CD200: variants seen among roughly 807,000 people sequenced by gnomAD.
CD200 encodes the protein OX-2 membrane glycoprotein.
In CD200, 15 loss-of-function variants were observed where a neutral mutation model predicts 30.9. The ratio of observed to expected loss-of-function variants is 0.49; its 90% CI spans 0.32 to 0.75. CD200 has a LOEUF of 0.75. CD200 is among the 30% of genes least tolerant of loss of function. CD200 has a pLI of 0.03. For missense variants in CD200, 262 were observed against 324.2 expected (o/e 0.81, Z 1.47); for synonymous variants, 134 against 126.2 (o/e 1.06, Z -0.41).
intron 2 of CD200, 48 bp from the exon 3 acceptor site, chr3:112,344,914 A>G (rs1201834028): frequency 1.5e-6 from 2 of 1,309,864 alleles, no homozygotes; most frequent in Admixed American, 4.3e-5. Flanking sequence ...GAAAAAGTGT[A>G]TGTGTGTTAC....
chr3:112,352,884 G>A lies in CD200; in HGVS notation c.802+3065G>A, dbSNP rs139446781. ...CCTGTATAATGCCAGAGAGCATGACGTTGGTTTTTTCCAACTGCGAAGTAG... is the reference window on the plus strand; with the variant it reads ...CCTGTATAATGCCAGAGAGCATGACATTGGTTTTTTCCAACTGCGAAGTAG... On this transcript the variant is annotated intron_variant, in intron 5 of 5. Coordinates refer to ENST00000315711, the MANE Select transcript of CD200 (RefSeq NM_005944.7). Among the ~76,000 whole-genome samples the A allele has an allele frequency of 1.2e-3, 177 of 152,240 alleles. 5 individuals carry two copies. In the East Asian group the frequency reaches 0.028, roughly 24 times the overall value.
intron 5 of CD200, among the ~76,000 whole-genome samples, chr3:112,350,240 C>A (rs1168619473): frequency 6.6e-6 from 1 of 152,142 alleles, no homozygotes; most frequent in Non-Finnish European, 1.5e-5. Flanking sequence ...TGTTATACTC[C>A]CACGATGCCT....
chr3:112,338,539 G>A (rs2081169498), intron 1 of CD200, among the ~76,000 whole-genome samples: 1 of 152,164 alleles, frequency 6.6e-6, no homozygotes, highest in African/African-American at 2.4e-5. Context: ...ACATGAGATT[G>A]GATAGCATGT....
chr3:112,348,070 A>G (rs2081442396), intron 4 of CD200, among the ~76,000 whole-genome samples: 1 of 152,190 alleles, frequency 6.6e-6, no homozygotes, highest in Non-Finnish European at 1.5e-5. Flanking sequence ...CCATTCATTT[A>G]TTTATTTCTT....
chr3:112,347,805 C>G lies in CD200; in HGVS notation c.669C>G (p.Thr223=). The G allele has an allele frequency of 1.2e-6, 2 of 1,613,332 alleles. No individual in the cohort carries two copies. The highest frequency in any genetic ancestry group is 1.7e-6 in the Non-Finnish European group (2 of 1,179,700). The change falls in exon 4 of 6, where the codon ACC becomes ACG. Residue 223 remains threonine (T), a synonymous_variant. Coordinates refer to ENST00000315711, the MANE Select transcript of CD200 (RefSeq NM_005944.7). ...AGGTGCTGCACCTGGGGACTGTGAC[C>G]GACTTTAAGCAAACCGTCAACAAAG... The part of the protein sequence containing the change: ...ICQVLHLGTV[T]DFKQTVNKGY...
At chr3:112,357,239 G>A (rs13084367) in intron 5 of CD200, among the ~76,000 whole-genome samples, 1 of 144,212 alleles carries the variant, frequency 6.9e-6, no homozygotes, top group African/African-American at 2.6e-5. Flanking sequence ...CCAGCCTGGG[G>A]GACAGAGCGA....
Position 112,362,682 on chromosome 3 carries a change from T to A in CD200, c.*1132T>A, listed in dbSNP as rs2081761792. ...CTATCCAGTGGCCTAGGAATTAAAG[T>A]GTAAGTTGTTTTCGCTGTTAAATTG... On this transcript the variant is annotated 3_prime_UTR_variant, in exon 6 of 6. Transcript: ENST00000315711. The A allele has an allele frequency of 6.7e-6, 1 of 150,138 alleles. No individual in the cohort carries two copies. Among genetic ancestry groups the A allele is most frequent in the African/African-American group, 2.5e-5 (1 of 40,562 alleles). 9.3% of individuals were successfully genotyped at this position (150,138 alleles called of 1,614,324 possible).
intron 1 of CD200, 57 bp downstream of exon 1, chr3:112,333,281 G>A: frequency 6.6e-7 from 1 of 1,524,214 alleles, no homozygotes; most frequent in Non-Finnish European, 8.8e-7. Flanking sequence ...TTGAGCCGGT[G>A]GCCCTGGGGC....
chr3:112,333,324 C>G, intron 1 of CD200, 100 bp downstream of exon 1: 2 of 1,491,520 alleles, frequency 1.3e-6, no homozygotes, highest in Middle Eastern at 1.7e-4. Flanking sequence ...AGCTTCGGCT[C>G]TTGCCACAAT....
intron 1 of CD200, chr3:112,333,940 A>G: frequency 6.1e-6 from 6 of 985,152 alleles, no homozygotes; most frequent in Non-Finnish European, 7.2e-6. Flanking sequence ...TCCCATTGGT[A>G]TATGAAATCC....
Position 112,333,236 on chromosome 3 carries a change from C to G in CD200, c.12+12C>G. Reference sequence around the variant, plus strand: ...GGATGGAGAGGCTGGTGAGCGGGGCCGGGGCTTGGGAAGGAGGGCGCAGGG... The same window carrying G: ...GGATGGAGAGGCTGGTGAGCGGGGCGGGGGCTTGGGAAGGAGGGCGCAGGG... On this transcript the variant is annotated intron_variant, in intron 1 of 5. Transcript: ENST00000315711. The G allele has an allele frequency of 1.9e-6, 3 of 1,549,474 alleles. No individual in the cohort carries two copies. Among genetic ancestry groups the G allele is most frequent in the Non-Finnish European group, 2.6e-6 (3 of 1,146,338 alleles).
chr3:112,350,095 C>A, intron 5 of CD200: 2 of 439,258 alleles, frequency 4.6e-6, no homozygotes, highest in Non-Finnish European at 6.0e-6. Flanking sequence ...AGAAGTCTGG[C>A]ACCCACACAA....
At chr3:112,342,884 G>A (rs12106673) in intron 2 of CD200, among the ~76,000 whole-genome samples, 63,204 of 152,022 alleles carry the variant, frequency 0.42, 13,124 homozygotes, top group Middle Eastern at 0.45. Flanking sequence ...AAGGCCATAC[G>A]TAGGGTAGCA....
At chr3:112,336,976 C>A (rs1323019338) in intron 1 of CD200, among the ~76,000 whole-genome samples, 1 of 152,010 alleles carries the variant, frequency 6.6e-6, no homozygotes, top group Admixed American at 6.5e-5. Context: ...ACTGTCAAGC[C>A]TGCTTTAGTG....
chr3:112,349,760 T>C lies in CD200; in HGVS notation c.743T>C (p.Ile248Thr). The C allele has an allele frequency of 6.2e-7, 1 of 1,612,366 alleles. No homozygotes were observed. Among genetic ancestry groups the C allele is most frequent in the Non-Finnish European group, 8.5e-7 (1 of 1,179,046 alleles). Residue 248 changes from isoleucine to threonine, a missense_variant, in exon 5 of 6, where the codon ATT becomes ACT. Physicochemically the swap from Ile to Thr is moderately conservative, Grantham distance 89. Coordinates refer to ENST00000315711, the MANE Select transcript of CD200 (RefSeq NM_005944.7). ...PLLLSIVSLVILLVLISILLY... is the reference protein window; with the variant it reads ...PLLLSIVSLVTLLVLISILLY... ...TTGCTAAGCATTGTTTCCCTGGTAA[T>C]TCTTCTCGTCCTAATCTCAATCTTA...
At chr3:112,345,395 G>T (rs951267047) in intron 3 of CD200, 107 bp downstream of exon 3, 15 of 840,398 alleles carry the variant, frequency 1.8e-5, no homozygotes, top group Non-Finnish European at 2.9e-5. Flanking sequence ...CACAGAAAGG[G>T]TCATGAGAAG....
At chr3:112,353,249 T>A (rs143977632) in intron 5 of CD200, among the ~76,000 whole-genome samples, 1 of 152,338 alleles carries the variant, frequency 6.6e-6, no homozygotes, top group East Asian at 1.9e-4. Flanking sequence ...AACTTCACTT[T>A]GAGGCAGATC....
intron 5 of CD200, 35 bp from the exon 6 acceptor site, chr3:112,361,508 G>A (rs1033645724): frequency 6.5e-7 from 1 of 1,542,676 alleles, no homozygotes; most frequent in South Asian, 1.1e-5. Context: ...ATTTACAAGT[G>A]TCCAAAGTTA....
chr3:112,333,036 C>T, upstream of CD200: 2 of 840,172 alleles, frequency 2.4e-6, no homozygotes, highest in African/African-American at 1.7e-5. Flanking sequence ...TCCCCCCACA[C>T]AGACAGCCTC....
Sources: allele counts gnomAD v4.1 joint callset (sites outside exome capture counted in the v4.1 genomes callset), GRCh38; gene constraint gnomAD v4.1.1; transcripts MANE v1.5; gene names NCBI Gene and HGNC (gene_info 2026-07-23, HGNC 2026-07-21).